The following STAU2 variants were observed in gnomAD, a reference collection of about 807,000 sequenced individuals.
STAU2 encodes double-stranded RNA-binding protein Staufen homolog 2.
STAU2 carries 20 observed loss-of-function variants against 65.9 expected under a neutral mutation model. That is an observed-to-expected ratio of 0.30 (90% CI 0.21 to 0.44). STAU2 has a LOEUF of 0.44. STAU2 is among the 20% of genes least tolerant of loss of function. The pLI, the probability that STAU2 is intolerant of heterozygous loss-of-function variation, is 1.00. For missense variants in STAU2, 558 were observed against 683.9 expected (o/e 0.82, Z 2.05); for synonymous variants, 232 against 233.9 (o/e 0.99, Z 0.07).
chr8:73,673,154 G>A lies in STAU2; in HGVS notation c.363C>T (p.Phe121=). The A allele has an allele frequency of 6.2e-7, 1 of 1,600,352 alleles. No homozygotes were observed. The highest frequency in any genetic ancestry group is 8.5e-7 in the Non-Finnish European group (1 of 1,172,260). ...AGTTGTAATTAGCTCTATAATTTGG[G>A]AATGGCTTTGGATCTAATGGCCTGT... The part of the protein sequence containing the change: ...AIYRPLDPKP[F]PNYRANYNFR... The change falls in exon 6 of 15, where the codon TTC becomes TTT. Residue 121 remains phenylalanine, a synonymous_variant. Coordinates refer to ENST00000524300, the MANE Select transcript of STAU2 (RefSeq NM_001164380.2).
chr8:73,621,951 CTTTTTTT>C (rs751349117), intron 6 of STAU2, among the ~76,000 whole-genome samples: 14 of 129,900 alleles, frequency 1.1e-4, no homozygotes, highest in African/African-American at 3.8e-4. Context: ...GTCTTTCTCT[CTTTTTTT>C]TTTTTTTTTT....
At chr8:73,691,923 T>G (rs1819346105) in intron 4 of STAU2, among the ~76,000 whole-genome samples, 1 of 152,166 alleles carries the variant, frequency 6.6e-6, no homozygotes, top group Admixed American at 6.5e-5. Flanking sequence ...GATAGAGAGC[T>G]AGTCTGAGGG....
chr8:73,431,186 C>A (rs1434077782), intron 13 of STAU2, among the ~76,000 whole-genome samples: 1 of 152,194 alleles, frequency 6.6e-6, no homozygotes, highest in Non-Finnish European at 1.5e-5. Context: ...CCAGAACGCT[C>A]CATAAGTCTT....
intron 13 of STAU2, among the ~76,000 whole-genome samples, chr8:73,547,286 C>A (rs781612581): frequency 1.3e-4 from 19 of 151,956 alleles, no homozygotes; most frequent in Non-Finnish European, 2.1e-4. Context: ...TGATTCTTAC[C>A]TGTATTACTG....
intron 5 of STAU2, among the ~76,000 whole-genome samples, chr8:73,683,031 T>C (rs1026801570): frequency 6.6e-6 from 1 of 151,958 alleles, no homozygotes; most frequent in Non-Finnish European, 1.5e-5. Flanking sequence ...TCTAACAGAC[T>C]TTCAAAAAAA....
intron 6 of STAU2, among the ~76,000 whole-genome samples, chr8:73,629,774 T>C (rs1052749880): frequency 6.6e-6 from 1 of 152,134 alleles, no homozygotes; most frequent in Non-Finnish European, 1.5e-5. Context: ...CGAAGCCCAC[T>C]TTTCTTTTTT....
At position 73,709,094 on chromosome 8, in the gene STAU2, G is replaced by A. The variant is rs1216382578; in HGVS notation, c.52C>T (p.Arg18Cys). 27 of 1,533,062 alleles carry A rather than the reference G, an allele frequency of 1.8e-5. No individual in the cohort carries two copies. Among genetic ancestry groups the A allele is most frequent in the Middle Eastern group, 1.7e-4 (1 of 5,848 alleles). The allele number at this position is 1,533,062 out of a possible 1,614,324, so 95.0% of individuals were successfully genotyped here. The change falls in exon 4 of 15, where the codon CGT becomes TGT. Residue 18 changes from arginine (R) to cysteine (C), a missense_variant. This residue lies in a region of STAU2 where 112 missense variants were observed against 114.2 expected (regional missense o/e 0.98). Transcript: ENST00000524300. Reference protein sequence around the residue: ...TAMCLVNELARFNRVQPQYKL... With the variant: ...TAMCLVNELACFNRVQPQYKL... ...TACTGGGGTTGGACTCTATTGAAACGGGCTAACTCATTTACCAGACACATT... is the reference window on the plus strand; with the variant it reads ...TACTGGGGTTGGACTCTATTGAAACAGGCTAACTCATTTACCAGACACATT...
At chr8:73,474,782 T>TA (rs962228463) in intron 13 of STAU2, among the ~76,000 whole-genome samples, 5 of 152,128 alleles carry the variant, frequency 3.3e-5, no homozygotes, top group African/African-American at 1.2e-4. Context: ...AGGCAACATT[T>TA]AAAAAATGGG....
chr8:73,552,363 C>T (rs773766652), intron 12 of STAU2, 44 bp from the exon 13 acceptor site: 14 of 1,503,294 alleles, frequency 9.3e-6, no homozygotes, highest in African/African-American at 4.2e-5. Flanking sequence ...TTAAAATAAC[C>T]GAAATAGAAA....
intron 13 of STAU2, among the ~76,000 whole-genome samples, chr8:73,534,030 G>A (rs757174289): frequency 6.6e-6 from 1 of 152,290 alleles, no homozygotes; most frequent in South Asian, 2.1e-4. Context: ...AAAGACCTAT[G>A]TTTAAAGAAA....
intron 6 of STAU2, among the ~76,000 whole-genome samples, chr8:73,643,813 C>T (rs866579776): frequency 6.6e-6 from 1 of 152,146 alleles, no homozygotes; most frequent in East Asian, 1.9e-4. Flanking sequence ...CAGCAGAATA[C>T]TATGTAAATT....
chr8:73,449,340 C>T (rs1443423852), intron 13 of STAU2, among the ~76,000 whole-genome samples: 3 of 152,228 alleles, frequency 2.0e-5, no homozygotes, highest in Non-Finnish European at 4.4e-5. Context: ...CTCCCAGGGC[C>T]TTCCTTCTGG....
In STAU2 at chr8:73,705,618, A is replaced by G. The variant is rs551220598; in HGVS notation, c.114+3414T>C. Among the ~76,000 whole-genome samples the G allele has an allele frequency of 1.1e-3, 165 of 152,372 alleles. 1 individual carries two copies. Among genetic ancestry groups the G allele is most frequent in the Admixed American group, 2.4e-3 (36 of 15,306 alleles). ...ATAACTGTATACAGGTACCTAGGAA[A>G]TAAACTAATATTACAATAACTCCCA... On this transcript the variant is annotated intron_variant, in intron 4 of 14. Coordinates refer to ENST00000524300, the MANE Select transcript of STAU2 (RefSeq NM_001164380.2).
intron 11 of STAU2, among the ~76,000 whole-genome samples, chr8:73,590,101 AAGT>A (rs1050669114): frequency 1.1e-4 from 16 of 150,152 alleles, no homozygotes; most frequent in African/African-American, 1.5e-4. Context: ...GGGGAGAAGG[AAGT>A]AGGAGGAGAA....
chr8:73,731,509 G>A (rs919208922), intron 3 of STAU2, among the ~76,000 whole-genome samples: 3 of 152,034 alleles, frequency 2.0e-5, no homozygotes, highest in African/African-American at 4.8e-5. Context: ...ATTCTCTCAG[G>A]GATCACAGTC....
intron 12 of STAU2, among the ~76,000 whole-genome samples, chr8:73,574,687 C>G (rs1312895283): frequency 6.6e-6 from 1 of 152,124 alleles, no homozygotes; most frequent in Non-Finnish European, 1.5e-5. Flanking sequence ...TGTTCTCACT[C>G]ATAGGTGGGA....
At chr8:73,620,325 T>TA (rs1315088489) in intron 6 of STAU2, among the ~76,000 whole-genome samples, 2 of 152,228 alleles carry the variant, frequency 1.3e-5, no homozygotes, top group Admixed American at 1.3e-4. Context: ...TGTTTACAAT[T>TA]AATTATAAAC....
intron 13 of STAU2, among the ~76,000 whole-genome samples, chr8:73,442,660 A>G (rs1818249900): frequency 6.6e-6 from 1 of 152,206 alleles, no homozygotes; most frequent in South Asian, 2.1e-4. Context: ...AAGAGGGTTG[A>G]CACATTCTAA....
chr8:73,582,804 A>G lies in STAU2; in HGVS notation c.1188T>C (p.Gly396=). The change falls in exon 12 of 15, where the codon GGT becomes GGC. Residue 396 remains glycine, a synonymous_variant. Coordinates refer to ENST00000524300, the MANE Select transcript of STAU2 (RefSeq NM_001164380.2). ...EKTGENKGWS[G]PKPGFPEPTN... Reference sequence around the variant, plus strand: ...TTGGTTCAGGAAACCCAGGCTTTGGACCACTCCATCCTTTGTTTTCCCCTG... The same window carrying G: ...TTGGTTCAGGAAACCCAGGCTTTGGGCCACTCCATCCTTTGTTTTCCCCTG... 6.2e-7 allele frequency: 1 copy of G among 1,612,550 alleles called. No homozygotes were observed. Among genetic ancestry groups the G allele is most frequent in the Non-Finnish European group, 8.5e-7 (1 of 1,178,910 alleles).
Sources: gnomAD v4.1 joint callset for allele counts (sites outside exome capture counted in the v4.1 genomes callset) on GRCh38, gnomAD v4.1.1 for gene constraint, gnomAD v4.1.1 regional missense constraint, MANE v1.5 for transcripts, NCBI Gene and HGNC (gene_info 2026-07-23, HGNC 2026-07-21) for gene names.